The following ZFP1 variants were observed in gnomAD, a reference collection of about 807,000 sequenced individuals.
ZFP1 encodes ZFP1 zinc finger protein.
A neutral mutation model predicts 38.5 loss-of-function variants in ZFP1; 32 were observed. That is an observed-to-expected ratio of 0.83 (90% confidence interval 0.63 to 1.12). The LOEUF is 1.12. ZFP1 is among the 50% of genes most tolerant of loss of function. ZFP1 has a pLI of 0.00. For missense variants in ZFP1, 616 were observed against 480.8 expected (o/e 1.28, Z -2.63); for synonymous variants, 245 against 168.8 (o/e 1.45, Z -3.50).
upstream of ZFP1, among the ~76,000 whole-genome samples, chr16:75,145,602 C>G (rs572459596): frequency 6.6e-5 from 10 of 152,272 alleles, no homozygotes; most frequent in African/African-American, 2.4e-4. Flanking sequence ...AGGGGCAGAG[C>G]TGCAGAGCAA....
At chr16:75,124,786 CA>C in the ZFP1 span, among the ~76,000 whole-genome samples, 18,276 of 66,262 alleles carry the variant, frequency 0.28, 1,179 homozygotes, top group East Asian at 0.53. Flanking sequence ...GACTCCATCT[CA>C]AAAAAAAAAA....
At position 75,169,290 on chromosome 16, in the gene ZFP1, C is replaced by T. The variant is rs147848713; in HGVS notation, c.180C>T (p.His60=). The T allele has an allele frequency of 6.2e-7, 1 of 1,613,706 alleles. No homozygotes were observed. Among genetic ancestry groups the T allele is most frequent in the Admixed American group, 1.7e-5 (1 of 59,900 alleles). The part of the protein sequence containing the change: ...WKADDQMERD[H]RNPDEQARQF... ...CTGATGACCAGATGGAGAGAGACCA[C>T]AGAAACCCAGACGAGCAGGCGAGGC... The change falls in exon 4 of 4, where the codon CAC becomes CAT. Residue 60 remains histidine (H), a synonymous_variant. Coordinates refer to ENST00000570010, the MANE Select transcript of ZFP1 (RefSeq NM_153688.4).
At chr16:75,160,716 C>G (rs1252700228) in intron 2 of ZFP1, among the ~76,000 whole-genome samples, 1 of 151,542 alleles carries the variant, frequency 6.6e-6, no homozygotes, top group African/African-American at 2.4e-5. Context: ...AGCTGAGAGT[C>G]CAAGATCAAG....
At chr16:75,163,680 C>T (rs574265429) in intron 2 of ZFP1, among the ~76,000 whole-genome samples, 1 of 151,220 alleles carries the variant, frequency 6.6e-6, no homozygotes, top group African/African-American at 2.4e-5. Context: ...GGCATGATCA[C>T]GGTTCACTGT....
the ZFP1 span, among the ~76,000 whole-genome samples, chr16:75,140,421 T>G: frequency 1.8e-4 from 28 of 151,912 alleles, no homozygotes; most frequent in Non-Finnish European, 3.7e-4. Context: ...GAAAAAAAAT[T>G]GAAAAACAAT....
At chr16:75,169,231 T>A (rs751380935) in intron 3 of ZFP1, 22 bp from the exon 4 acceptor site, 1 of 1,576,630 alleles carries the variant, frequency 6.3e-7, no homozygotes, top group Non-Finnish European at 8.6e-7. Context: ...AAGGTTCTTT[T>A]CATTGTGCTC....
the ZFP1 span, among the ~76,000 whole-genome samples, chr16:75,122,909 T>A: frequency 6.6e-6 from 1 of 152,220 alleles, no homozygotes; most frequent in Admixed American, 6.5e-5. Context: ...GTTCCATAAT[T>A]TTAAATAATG....
At chr16:75,169,078 T>G (rs1215129351) in intron 3 of ZFP1, among the ~76,000 whole-genome samples, 175 bp from the exon 4 acceptor site, 1 of 152,246 alleles carries the variant, frequency 6.6e-6, no homozygotes, top group African/African-American at 2.4e-5. Flanking sequence ...GCTATTACCT[T>G]TCTCTTTCAA....
At chr16:75,122,263 A>T in the ZFP1 span, among the ~76,000 whole-genome samples, 73 of 152,310 alleles carry the variant, frequency 4.8e-4, no homozygotes, top group African/African-American at 1.7e-3. Context: ...CGCACAGTCT[A>T]AGCTAATTCC....
upstream of ZFP1, among the ~76,000 whole-genome samples, chr16:75,146,312 G>A (rs185742965): frequency 3.3e-5 from 5 of 152,054 alleles, no homozygotes; most frequent in East Asian, 1.9e-4. Context: ...ACAGGTGCCC[G>A]CCACCACGCC....
At chr16:75,164,440 A>T (rs527967305) in intron 2 of ZFP1, among the ~76,000 whole-genome samples, 41 of 152,338 alleles carry the variant, frequency 2.7e-4, no homozygotes, top group African/African-American at 9.9e-4. Flanking sequence ...ACATCCAGAA[A>T]TTAGTTTAAA....
the ZFP1 span, among the ~76,000 whole-genome samples, chr16:75,140,852 G>C: frequency 1.3e-5 from 2 of 151,914 alleles, no homozygotes; most frequent in Non-Finnish European, 2.9e-5. Flanking sequence ...CCAGCTACTC[G>C]GAAGGCTGAG....
chr16:75,139,891 G>C, the ZFP1 span, among the ~76,000 whole-genome samples: 2 of 152,254 alleles, frequency 1.3e-5, no homozygotes, highest in African/African-American at 4.8e-5. Context: ...CGATATTGTG[G>C]ATGTATTTAA....
chr16:75,166,962 C>G (rs747421736), intron 3 of ZFP1, 66 bp downstream of exon 3: 16 of 1,548,418 alleles, frequency 1.0e-5, no homozygotes, highest in Middle Eastern at 1.7e-4. Context: ...TCTCAGTGAC[C>G]AGAAATGAGC....
At chr16:75,158,454 C>T (rs918470063) in intron 2 of ZFP1, among the ~76,000 whole-genome samples, 7 of 151,786 alleles carry the variant, frequency 4.6e-5, no homozygotes, top group Non-Finnish European at 8.8e-5. Flanking sequence ...GCAGTTCTCC[C>T]ACGTCAGCCT....
At chr16:75,124,247 C>T in the ZFP1 span, among the ~76,000 whole-genome samples, 2 of 150,256 alleles carry the variant, frequency 1.3e-5, no homozygotes, top group African/African-American at 4.9e-5. Context: ...CAACCTCTGC[C>T]TTCCAGGTTC....
chr16:75,167,030 T>C (rs2038126054), intron 3 of ZFP1, 134 bp downstream of exon 3: 2 of 1,470,230 alleles, frequency 1.4e-6, no homozygotes, highest in African/African-American at 2.8e-5. Context: ...TGAGAGATCT[T>C]GCAGCCTTTA....
At chr16:75,149,807 C>A (rs1597031069) in intron 1 of ZFP1, among the ~76,000 whole-genome samples, 1 of 151,252 alleles carries the variant, frequency 6.6e-6, no homozygotes, top group East Asian at 1.9e-4. Flanking sequence ...ATTTTCTTTT[C>A]TGTTGTTGTT....
chr16:75,154,255 C>T (rs1445236605), intron 2 of ZFP1, among the ~76,000 whole-genome samples: 4 of 151,918 alleles, frequency 2.6e-5, no homozygotes, highest in Admixed American at 1.3e-4. Context: ...TCCTCCAAGT[C>T]TTTTCTTGGC....
Sources: gnomAD v4.1 joint callset for allele counts (sites outside exome capture counted in the v4.1 genomes callset) on GRCh38, gnomAD v4.1.1 for gene constraint, MANE v1.5 for transcripts, NCBI Gene and HGNC (gene_info 2026-07-23, HGNC 2026-07-21) for gene names.